AKAP13: variants seen among roughly 807,000 people sequenced by gnomAD.
AKAP13 encodes the protein A-kinase anchor protein 13.
Under a neutral mutation model 264.5 loss-of-function variants are expected in AKAP13, and 80 were observed. The observed-to-expected ratio is 0.30, with a 90% CI of 0.25 to 0.36. The LOEUF (loss-of-function observed/expected upper bound fraction) is 0.36, where lower values mean the gene tolerates loss of function less well. AKAP13 is among the 10% of genes least tolerant of loss of function. The pLI is 1.00. For missense variants in AKAP13, 3,712 were observed against 3,435.2 expected (o/e 1.08, Z -2.01); for synonymous variants, 1,380 against 1,250.2 (o/e 1.10, Z -2.19).
chr15:85,583,920 C>T (rs1394392556), intron 7 of AKAP13, among the ~76,000 whole-genome samples: 1 of 152,074 alleles, frequency 6.6e-6, no homozygotes, highest in Non-Finnish European at 1.5e-5. Context: ...GTTACTTGTC[C>T]TGTTACCAAA....
intron 14 of AKAP13, among the ~76,000 whole-genome samples, chr15:85,676,021 C>T (rs1368600694): frequency 6.6e-6 from 1 of 152,086 alleles, no homozygotes; most frequent in East Asian, 1.9e-4. Flanking sequence ...AAGCACTTCT[C>T]CTGCCTCAGC....
At chr15:85,587,653 T>C (rs1360587505) in intron 8 of AKAP13, among the ~76,000 whole-genome samples, 1 of 152,150 alleles carries the variant, frequency 6.6e-6, no homozygotes, top group Non-Finnish European at 1.5e-5. Flanking sequence ...TTTTATTTTA[T>C]TTTTTATTTT....
chr15:85,553,800 A>G (rs1003518683), intron 5 of AKAP13, among the ~76,000 whole-genome samples: 8 of 152,208 alleles, frequency 5.3e-5, no homozygotes, highest in African/African-American at 1.7e-4. Context: ...GAGCTTGCCT[A>G]CTGTCCAGTC....
intron 23 of AKAP13, among the ~76,000 whole-genome samples, chr15:85,719,849 A>G (rs1240128840): frequency 6.6e-6 from 1 of 152,028 alleles, no homozygotes; most frequent in African/African-American, 2.4e-5. Context: ...TGGGAGGCAG[A>G]AGTTGCAGTG....
chr15:85,652,682 T>C (rs2082910265), intron 10 of AKAP13, among the ~76,000 whole-genome samples: 1 of 152,196 alleles, frequency 6.6e-6, no homozygotes, highest in African/African-American at 2.4e-5. Flanking sequence ...CTGGAGATCC[T>C]AATCACCGTG....
intron 5 of AKAP13, among the ~76,000 whole-genome samples, chr15:85,559,162 G>C (rs1029209023): frequency 1.1e-4 from 16 of 152,188 alleles, no homozygotes; most frequent in African/African-American, 3.9e-4. Context: ...ATTTTCAGGG[G>C]CCTGTGTTTC....
chr15:85,581,734 C>T lies in AKAP13; in HGVS notation c.3666C>T (p.Gly1222=), dbSNP rs746192823. 2.2e-5 allele frequency: 36 copies of T among 1,614,064 alleles called. No individual in the cohort carries two copies. Among genetic ancestry groups the T allele is most frequent in the Non-Finnish European group, 3.1e-5 (36 of 1,180,028 alleles). The change falls in exon 7 of 37, where the codon GGC becomes GGT. Residue 1222 remains glycine, a synonymous_variant. Transcript: ENST00000394518. ...VREVMRAPPS[G]RERSTPSLPC... is the part of the protein sequence containing the mutation. ...AAGTCATGCGAGCCCCGCCTTCAGG[C>T]AGGGAAAGGAGCACTCCCTCTCTAC... is the stretch of plus-strand genomic sequence containing the variant.
At chr15:85,433,471 G>C (rs891094138) in intron 1 of AKAP13, among the ~76,000 whole-genome samples, 3 of 151,986 alleles carry the variant, frequency 2.0e-5, no homozygotes, top group African/African-American at 7.3e-5. Context: ...CGATTTCTAG[G>C]TGGAAGATGA....
chr15:85,556,556 C>T (rs1352818877), intron 5 of AKAP13, among the ~76,000 whole-genome samples: 2 of 152,186 alleles, frequency 1.3e-5, no homozygotes, highest in Non-Finnish European at 1.5e-5. Context: ...TTTTCTCACC[C>T]CTCCAAGAAT....
chr15:85,748,166 T>C lies in AKAP13; in HGVS notation c.*3489T>C, dbSNP rs2089424491. The C allele has an allele frequency of 6.6e-6, 1 of 152,234 alleles. No homozygotes were observed. Among genetic ancestry groups the C allele is most frequent in the East Asian group, 1.9e-4 (1 of 5,202 alleles). 9.4% of individuals were successfully genotyped at this position (152,234 alleles called of 1,614,324 possible). On this transcript the variant is annotated 3_prime_UTR_variant, in exon 37 of 37. Transcript: ENST00000394518. ...AGGATTTTAGTATTTGCATTGGAGT[T>C]GAGGTTTACTCTAATGATGGTGGCC...
chr15:85,505,573 C>A (rs1210586346), intron 2 of AKAP13, among the ~76,000 whole-genome samples: 2 of 151,958 alleles, frequency 1.3e-5, no homozygotes, highest in Non-Finnish European at 2.9e-5. Context: ...AAATAAAATT[C>A]TTTAATATTT....
chr15:85,495,405 CACTA>C (rs1413586066), intron 2 of AKAP13, among the ~76,000 whole-genome samples: 1 of 152,098 alleles, frequency 6.6e-6, no homozygotes, highest in Non-Finnish European at 1.5e-5. Flanking sequence ...GCTGATAATT[CACTA>C]ACTAAAACGA....
At chr15:85,583,341 C>T (rs2079201449) in intron 7 of AKAP13, among the ~76,000 whole-genome samples, 2 of 152,030 alleles carry the variant, frequency 1.3e-5, no homozygotes, top group South Asian at 4.1e-4. Context: ...GGTTATTTTC[C>T]CTGGTAAAGG....
chr15:85,455,449 A>G (rs1488596792), intron 1 of AKAP13, among the ~76,000 whole-genome samples: 1 of 152,312 alleles, frequency 6.6e-6, no homozygotes, highest in Non-Finnish European at 1.5e-5. Flanking sequence ...GATTTCACCT[A>G]GAAGCACAGA....
intron 1 of AKAP13, among the ~76,000 whole-genome samples, chr15:85,434,336 G>C (rs982905694): frequency 2.0e-5 from 3 of 152,104 alleles, no homozygotes; most frequent in Non-Finnish European, 2.9e-5. Flanking sequence ...ACGGAATCTC[G>C]CTGACTGCTA....
intron 1 of AKAP13, among the ~76,000 whole-genome samples, chr15:85,467,980 G>C (rs967571288): frequency 6.6e-6 from 1 of 152,144 alleles, no homozygotes; most frequent in Non-Finnish European, 1.5e-5. Flanking sequence ...ACTCAAATTT[G>C]CACATTTTAA....
intron 11 of AKAP13, among the ~76,000 whole-genome samples, chr15:85,657,839 A>C (rs2083171584): frequency 6.6e-6 from 1 of 152,014 alleles, no homozygotes; most frequent in Non-Finnish European, 1.5e-5. Context: ...AAATGATAAC[A>C]GCATCAAGGA....
rs773837076 is a variant in AKAP13, at chr15:85,748,177, C to T, written c.*3500C>T. 6.6e-6 allele frequency: 1 copy of T among 152,102 alleles called. No individual in the cohort carries two copies. Among genetic ancestry groups the T allele is most frequent in the Non-Finnish European group, 1.5e-5 (1 of 68,020 alleles). The allele number at this position is 152,102 out of a possible 1,614,324, so 9.4% of individuals were successfully genotyped here. A position where few individuals can be genotyped will look rare whatever the true frequency, so the allele number is the denominator to read the frequency against. On this transcript the variant is annotated 3_prime_UTR_variant, in exon 37 of 37. Coordinates refer to ENST00000394518, the MANE Select transcript of AKAP13 (RefSeq NM_007200.5). ...ATTTGCATTGGAGTTGAGGTTTACT[C>T]TAATGATGGTGGCCCAGCTGTGCCC...
chr15:85,637,187 T>C (rs780969418), intron 8 of AKAP13, among the ~76,000 whole-genome samples: 4 of 152,222 alleles, frequency 2.6e-5, no homozygotes, highest in Non-Finnish European at 4.4e-5. Flanking sequence ...GTAAATACTT[T>C]TCTTCTGTTT....
Sources: allele counts gnomAD v4.1 joint callset (sites outside exome capture counted in the v4.1 genomes callset), GRCh38; gene constraint gnomAD v4.1.1; transcripts MANE v1.5; gene names NCBI Gene and HGNC (gene_info 2026-07-23, HGNC 2026-07-21).